Variants in SRRM3 observed in about 807,000 individuals in gnomAD.
SRRM3 encodes serine/arginine repetitive matrix protein 3.
Under a neutral mutation model 66.2 loss-of-function variants are expected in SRRM3, and 27 were observed. That is an observed-to-expected ratio of 0.41 (90% confidence interval 0.30 to 0.56). The LOEUF is 0.56. Ranked by LOEUF, SRRM3 falls within the 20% of genes least tolerant of loss-of-function variation. SRRM3 has a pLI of 0.32. For missense variants in SRRM3, 918 were observed against 991.9 expected (o/e 0.93, Z 1.00); for synonymous variants, 391 against 414.9 (o/e 0.94, Z 0.70).
intron 14 of SRRM3, among the ~76,000 whole-genome samples, chr7:76,284,334 C>G (rs1802605189): frequency 6.6e-6 from 1 of 152,050 alleles, no homozygotes. Context: ...ACCACCACGC[C>G]CAGCTAATTT....
intron 1 of SRRM3, among the ~76,000 whole-genome samples, chr7:76,206,661 CACTG>C (rs1554601173): frequency 6.6e-6 from 1 of 152,212 alleles, no homozygotes; most frequent in East Asian, 1.9e-4. Flanking sequence ...CAGGCTGCCT[CACTG>C]ACTGTTAGCC....
chr7:76,240,844 T>A (rs1241292823), intron 2 of SRRM3, among the ~76,000 whole-genome samples: 3 of 151,794 alleles, frequency 2.0e-5, no homozygotes, highest in Non-Finnish European at 4.4e-5. Context: ...CAGACATCAC[T>A]GCCCCCTATT....
At chr7:76,239,183 C>A (rs1170656582) in intron 2 of SRRM3, among the ~76,000 whole-genome samples, 2 of 151,926 alleles carry the variant, frequency 1.3e-5, no homozygotes, top group African/African-American at 4.8e-5. Flanking sequence ...TAGGAGCACG[C>A]CACCACACCC....
intron 1 of SRRM3, among the ~76,000 whole-genome samples, chr7:76,210,339 G>A (rs1800400526): frequency 1.3e-5 from 2 of 152,202 alleles, no homozygotes; most frequent in East Asian, 1.9e-4. Flanking sequence ...CTTCCTGGGG[G>A]AAGTCCTGTC....
chr7:76,241,698 TTTA>T (rs1243760680), intron 2 of SRRM3, among the ~76,000 whole-genome samples: 1 of 151,880 alleles, frequency 6.6e-6, no homozygotes, highest in African/African-American at 2.4e-5. Context: ...GACACAAGGT[TTTA>T]TCATGTTTGC....
At chr7:76,267,894 GC>G (rs1376630005) in intron 11 of SRRM3, 4 of 154,308 alleles carry the variant, frequency 2.6e-5, no homozygotes, top group African/African-American at 9.8e-5. Context: ...TTCCCACCAA[GC>G]CCTGGCCCCA....
intron 3 of SRRM3, among the ~76,000 whole-genome samples, chr7:76,255,023 C>G (rs575119070): frequency 6.6e-6 from 1 of 152,100 alleles, no homozygotes; most frequent in Admixed American, 6.6e-5. Context: ...CAAGGCATCA[C>G]CCAGCTTGGG....
Position 76,282,655 on chromosome 7 carries a change from G to A in SRRM3, c.1378G>A (p.Glu460Lys). 7.1e-7 allele frequency: 1 copy of A among 1,408,466 alleles called. No individual in the cohort carries two copies. The highest frequency in any genetic ancestry group is 9.2e-7 in the Non-Finnish European group (1 of 1,087,640). The allele number at this position is 1,408,466 out of a possible 1,614,324, so 87.2% of individuals were successfully genotyped here. ...GCCGTCTCCCTCCTCCAGGGCCAAG[G>A]AGCGGCCCCCGCGCGCGCGGCCCGC... ...GHGGHGKRAKERPPRARPAST... is the reference protein window; with the variant it reads ...GHGGHGKRAKKRPPRARPAST... Residue 460 changes from glutamate to lysine, a missense_variant, in exon 13 of 15, where the codon GAG (glutamate) becomes AAG (lysine). By Grantham distance (56) the Glu-to-Lys change is moderately conservative. Transcript: ENST00000611745.
intron 2 of SRRM3, among the ~76,000 whole-genome samples, chr7:76,239,845 CAT>C (rs1801239521): frequency 6.6e-6 from 1 of 152,114 alleles, no homozygotes; most frequent in Non-Finnish European, 1.5e-5. Context: ...GCCTGGGCAA[CAT>C]AGGGAGACCC....
chr7:76,223,522 G>A (rs1422134310), intron 1 of SRRM3, among the ~76,000 whole-genome samples: 1 of 152,164 alleles, frequency 6.6e-6, no homozygotes, highest in Non-Finnish European at 1.5e-5. Flanking sequence ...CTTGACAAAC[G>A]ATTGTTGCAC....
chr7:76,266,337 T>C (rs1305152882), intron 10 of SRRM3, among the ~76,000 whole-genome samples: 3 of 116,620 alleles, frequency 2.6e-5, no homozygotes, highest in Non-Finnish European at 4.8e-5. Context: ...TATTAATATA[T>C]ATTTCAATAT....
At chr7:76,272,301 C>T (rs1022416604) in intron 11 of SRRM3, among the ~76,000 whole-genome samples, 10 of 152,106 alleles carry the variant, frequency 6.6e-5, no homozygotes, top group African/African-American at 1.4e-4. Context: ...TGACTTATGC[C>T]GGTAATGCCA....
At chr7:76,236,032 G>C (rs1348012670) in intron 2 of SRRM3, among the ~76,000 whole-genome samples, 3 of 93,526 alleles carry the variant, frequency 3.2e-5, no homozygotes, top group African/African-American at 9.8e-5. Context: ...AAAAAAAAAG[G>C]CCGGGCGCGG....
At chr7:76,218,743 A>G (rs1214279173) in intron 1 of SRRM3, among the ~76,000 whole-genome samples, 2 of 129,634 alleles carry the variant, frequency 1.5e-5, no homozygotes, top group Non-Finnish European at 3.1e-5. Context: ...CAGTGGTGAA[A>G]TCTCGGCTCA....
At chr7:76,205,329 C>T (rs907666860) in intron 1 of SRRM3, among the ~76,000 whole-genome samples, 19 of 152,176 alleles carry the variant, frequency 1.2e-4, no homozygotes, top group African/African-American at 4.1e-4. Context: ...CCTGCCTCAG[C>T]CTCCCAAGTA....
rs1180498574 is a variant in SRRM3 at position 76,285,935 on chromosome 7, T to C, written c.*92T>C. On this transcript the variant is annotated 3_prime_UTR_variant, in exon 15 of 15. Transcript: ENST00000611745. This position sits in a 1 kb window ranked among gnomAD's most constrained non-coding sequence, Gnocchi z 4.1. ...CAGTGGGGAGGGGGCTATATCTCCT[T>C]GCCCCCAAGGCTACAAAGAGGTCTC... 7 of 1,339,244 alleles carry C rather than the reference T, an allele frequency of 5.2e-6. No individual in the cohort carries two copies. The East Asian group carries it at 1.0e-4, about 19-fold the overall frequency. 83.0% of individuals were successfully genotyped at this position (1,339,244 alleles called of 1,614,324 possible).
chr7:76,265,512 G>C, intron 10 of SRRM3, 44 bp downstream of exon 10: 1 of 1,516,464 alleles, frequency 6.6e-7, no homozygotes, highest in African/African-American at 1.4e-5. Flanking sequence ...TGGGGGATGA[G>C]GGTTGCAGAT....
rs530010546 is a variant in SRRM3, at chr7:76,249,479, C to T, written c.335+1190C>T. Among the ~76,000 whole-genome samples the T allele has an allele frequency of 7.3e-4, 111 of 152,236 alleles. 1 individual carries two copies. The South Asian group carries it at 0.019, about 26-fold the overall frequency. On this transcript the variant is annotated intron_variant, in intron 3 of 14. Coordinates refer to ENST00000611745, the MANE Select transcript of SRRM3 (RefSeq NM_001110199.3). ...GGTTTGCCGTGGGCCTCTGGGTGGG[C>T]CTTGGATCAAACGGGCAAGTTATAG...
intron 1 of SRRM3, among the ~76,000 whole-genome samples, chr7:76,223,898 A>G (rs868965092): frequency 0.028 from 485 of 17,304 alleles, 10 homozygotes; most frequent in African/African-American, 0.1. Context: ...TTCCCTCCCC[A>G]CCCCTTCCCT....
Sources: gnomAD v4.1 joint callset for allele counts (sites outside exome capture counted in the v4.1 genomes callset) on GRCh38, gnomAD v4.1.1 for gene constraint, Gnocchi (gnomAD v3.1) non-coding constraint, MANE v1.5 for transcripts, NCBI Gene and HGNC (gene_info 2026-07-23, HGNC 2026-07-21) for gene names.